MICU1: variants seen among roughly 807,000 people sequenced by gnomAD.
MICU1 encodes the protein calcium uptake protein 1, mitochondrial.
In MICU1, 45 loss-of-function variants were observed where a neutral mutation model predicts 56.8. The observed-to-expected ratio is 0.79, with a 90% CI of 0.62 to 1.02. The LOEUF is 1.02. MICU1 is among the 50% of genes least tolerant of loss of function. The probability of loss-of-function intolerance (pLI) is 0.00; values close to 1 mark genes in which losing one functional copy is unlikely to be tolerated. For synonymous variants in MICU1, 186 were observed against 195.1 expected (o/e 0.95, Z 0.39); for missense variants, 504 against 587.1 (o/e 0.86, Z 1.46).
chr10:72,623,922 GTTC>G (rs1400292452), intron 1 of MICU1, among the ~76,000 whole-genome samples: 1 of 151,646 alleles, frequency 6.6e-6, no homozygotes, highest in African/African-American at 2.4e-5. Context: ...TTAAAAACTG[GTTC>G]TTATTTTAAA....
chr10:72,462,605 T>C (rs376711272), intron 8 of MICU1, among the ~76,000 whole-genome samples: 1 of 152,364 alleles, frequency 6.6e-6, no homozygotes, highest in South Asian at 2.1e-4. Context: ...AACACTGAAC[T>C]ATAAATTCAT....
chr10:72,585,445 AG>A (rs1016558389), intron 1 of MICU1, among the ~76,000 whole-genome samples: 9 of 152,128 alleles, frequency 5.9e-5, no homozygotes, highest in African/African-American at 2.2e-4. Context: ...CTGTAATCCC[AG>A]CACTTTGGGA....
At chr10:72,581,274 C>A (rs749715353) in intron 1 of MICU1, among the ~76,000 whole-genome samples, 4 of 152,194 alleles carry the variant, frequency 2.6e-5, no homozygotes, top group Non-Finnish European at 5.9e-5. Context: ...TCTATGATAA[C>A]AATAGCTGCC....
intron 6 of MICU1, among the ~76,000 whole-genome samples, chr10:72,481,884 A>T (rs1248942999): frequency 1.3e-5 from 2 of 152,234 alleles, no homozygotes; most frequent in African/African-American, 4.8e-5. Flanking sequence ...TACACCTTTC[A>T]CTTAGATTTC....
chr10:72,597,406 T>C (rs1410784453), intron 1 of MICU1, among the ~76,000 whole-genome samples: 1 of 152,100 alleles, frequency 6.6e-6, no homozygotes, highest in Non-Finnish European at 1.5e-5. Flanking sequence ...TCAACAGGAG[T>C]TCCATGAGAG....
chr10:72,444,536 G>A (rs1051521174), intron 8 of MICU1, among the ~76,000 whole-genome samples: 7 of 132,692 alleles, frequency 5.3e-5, no homozygotes, highest in East Asian at 5.1e-4. Flanking sequence ...TGCAACCTCC[G>A]CCTCCCAGGT....
intron 1 of MICU1, among the ~76,000 whole-genome samples, chr10:72,621,196 G>A (rs932463158): frequency 2.6e-5 from 4 of 152,098 alleles, no homozygotes; most frequent in African/African-American, 4.8e-5. Context: ...TACATACCAC[G>A]TTCAAAATAA....
chr10:72,510,931 C>T (rs1458938940), intron 5 of MICU1, among the ~76,000 whole-genome samples: 1 of 152,196 alleles, frequency 6.6e-6, no homozygotes, highest in African/African-American at 2.4e-5. Context: ...TGCGACCAGC[C>T]AAATCCAGTC....
intron 4 of MICU1, among the ~76,000 whole-genome samples, chr10:72,540,361 T>G (rs1321728100): frequency 2.6e-5 from 4 of 151,898 alleles, no homozygotes; most frequent in African/African-American, 9.7e-5. Context: ...GCAGTATGGT[T>G]TGTAATGATT....
At chr10:72,470,819 G>A (rs1453652007) in intron 8 of MICU1, among the ~76,000 whole-genome samples, 1 of 152,238 alleles carries the variant, frequency 6.6e-6, no homozygotes, top group East Asian at 1.9e-4. Context: ...CTACATGTTA[G>A]GCTGCATTCT....
At chr10:72,537,486 A>C (rs776072001) in intron 4 of MICU1, among the ~76,000 whole-genome samples, 4 of 152,208 alleles carry the variant, frequency 2.6e-5, no homozygotes, top group Non-Finnish European at 5.9e-5. Context: ...CCCAGCTTAG[A>C]AACACCAGAC....
rs375776120 is a variant in MICU1, at chr10:72,597,842, G to A, written c.-2+28168C>T. 2.0e-5 allele frequency among the ~76,000 whole-genome samples: 3 copies of A among 152,276 alleles called. No homozygotes were observed. In the South Asian group the frequency reaches 6.2e-4, roughly 32 times the overall value. On this transcript the variant is annotated intron_variant, in intron 1 of 11. Transcript: ENST00000361114. ...CTTGGGGCCACTGAATAAACTGTGT[G>A]TTGTGCGCCTGTGTTATGACTGCAG...
rs549815765 is a variant in MICU1 at position 72,516,865 on chromosome 10, G to A, written c.538-8596C>T. ...TACATTGTTCTTCCATGCTTTTGCAGTTGGGGTGGTAAAGAAGTAGAGAGG... is the reference window on the plus strand; with the variant it reads ...TACATTGTTCTTCCATGCTTTTGCAATTGGGGTGGTAAAGAAGTAGAGAGG... On this transcript the variant is annotated intron_variant, in intron 5 of 11. Coordinates refer to ENST00000361114, the MANE Select transcript of MICU1 (RefSeq NM_001195518.2). Among the ~76,000 whole-genome samples, 6 of 152,302 alleles carry A rather than the reference G, an allele frequency of 3.9e-5. No homozygotes were observed. The South Asian group carries it at 6.2e-4, about 16-fold the overall frequency.
intron 8 of MICU1, among the ~76,000 whole-genome samples, chr10:72,437,065 C>T (rs1001924984): frequency 5.3e-5 from 8 of 152,148 alleles, no homozygotes; most frequent in Middle Eastern, 3.4e-3. Flanking sequence ...AGATACTCCT[C>T]GAGAAGAGCA....
intron 5 of MICU1, among the ~76,000 whole-genome samples, chr10:72,530,954 A>G (rs921026799): frequency 2.1e-4 from 32 of 152,210 alleles, no homozygotes; most frequent in Admixed American, 1.6e-3. Flanking sequence ...TCCATTATTC[A>G]GGTAGAAATT....
chr10:72,388,343 A>G (rs1289145012), intron 10 of MICU1, among the ~76,000 whole-genome samples: 2 of 152,200 alleles, frequency 1.3e-5, no homozygotes, highest in Non-Finnish European at 2.9e-5. Context: ...AAGGATATCA[A>G]CTTTCTTGCT....
intron 4 of MICU1, among the ~76,000 whole-genome samples, chr10:72,548,039 A>AT (rs1405996775): frequency 6.6e-6 from 1 of 152,228 alleles, no homozygotes; most frequent in African/African-American, 2.4e-5. Flanking sequence ...TAATGCCTTT[A>AT]TATCTCCAAA....
At chr10:72,383,500 A>T (rs951337987) in intron 10 of MICU1, among the ~76,000 whole-genome samples, 1 of 152,230 alleles carries the variant, frequency 6.6e-6, no homozygotes, top group Non-Finnish European at 1.5e-5. Context: ...ACTTAACAAC[A>T]TATCTTAGAA....
intron 8 of MICU1, among the ~76,000 whole-genome samples, chr10:72,469,664 T>A (rs1272129986): frequency 6.6e-6 from 1 of 152,180 alleles, no homozygotes; most frequent in Non-Finnish European, 1.5e-5. Context: ...GTGAACACAC[T>A]TATTAAAGGC....
Sources: allele counts gnomAD v4.1 joint callset (sites outside exome capture counted in the v4.1 genomes callset), GRCh38; gene constraint gnomAD v4.1.1; transcripts MANE v1.5; gene names NCBI Gene and HGNC (gene_info 2026-07-23, HGNC 2026-07-21).